The following FANCL variants were observed in gnomAD, a reference collection of about 807,000 sequenced individuals.
FANCL encodes E3 ubiquitin-protein ligase FANCL.
FANCL carries 69 observed loss-of-function variants against 59.4 expected under a neutral mutation model. That is an observed-to-expected ratio of 1.16 (90% CI 0.96 to 1.42). The LOEUF (loss-of-function observed/expected upper bound fraction) is 1.42. Ranked by LOEUF, FANCL falls within the 40% of genes most tolerant of loss-of-function variation. FANCL has a pLI of 0.00. For synonymous variants in FANCL, 180 were observed against 147.1 expected, an observed-to-expected ratio of 1.22 and a Z score of -1.62; for missense variants, 519 against 447.2, an observed-to-expected ratio of 1.16 and a Z score of -1.45.
intron 5 of FANCL, among the ~76,000 whole-genome samples, chr2:58,217,344 A>C (rs1691940876): frequency 6.7e-6 from 1 of 150,220 alleles, no homozygotes; most frequent in African/African-American, 2.5e-5. Context: ...GGTGTCAGCA[A>C]AGATGTGCTC....
At chr2:58,164,252 T>G (rs1685639365) in intron 8 of FANCL, among the ~76,000 whole-genome samples, 1 of 152,062 alleles carries the variant, frequency 6.6e-6, no homozygotes, top group Admixed American at 6.5e-5. Context: ...GGATTTCATT[T>G]TCATCGTAAA....
intron 1 of FANCL, among the ~76,000 whole-genome samples, chr2:58,233,131 T>C (rs1693732106): frequency 6.6e-6 from 1 of 152,088 alleles, no homozygotes; most frequent in South Asian, 2.1e-4. Flanking sequence ...TAATTCACTG[T>C]TTCATTAAAG....
At chr2:58,159,991 A>C in intron 13 of FANCL, 117 bp downstream of exon 13, 1 of 1,545,882 alleles carries the variant, frequency 6.5e-7, no homozygotes, top group Non-Finnish European at 8.7e-7. Context: ...AAATAGAAAT[A>C]CAGAGAATGA....
At chr2:58,195,872 G>A (rs989549692) in intron 7 of FANCL, among the ~76,000 whole-genome samples, 1 of 152,018 alleles carries the variant, frequency 6.6e-6, no homozygotes, top group Admixed American at 6.6e-5. Context: ...TAACCCCAAA[G>A]AGGCACATAG....
At chr2:58,169,507 CA>C (rs1686318924) in intron 7 of FANCL, among the ~76,000 whole-genome samples, 2 of 152,150 alleles carry the variant, frequency 1.3e-5, no homozygotes, top group Admixed American at 6.5e-5. Context: ...TCCAACGGAT[CA>C]CAACTCCTCG....
chr2:58,241,185 C>G (rs372961987), intron 1 of FANCL, 33 bp downstream of exon 1: 1 of 1,604,296 alleles, frequency 6.2e-7, no homozygotes, highest in Non-Finnish European at 8.5e-7. Flanking sequence ...GCAAGAGGCT[C>G]TCTTAGCTAG....
At chr2:58,161,751 G>A in intron 11 of FANCL, 113 bp from the exon 12 acceptor site, 2 of 712,072 alleles carry the variant, frequency 2.8e-6, no homozygotes, top group Non-Finnish European at 2.6e-6. Context: ...GTTTAATGAT[G>A]ACATCAGGAT....
At chr2:58,212,021 G>GT (rs887030544) in intron 5 of FANCL, among the ~76,000 whole-genome samples, 1 of 152,084 alleles carries the variant, frequency 6.6e-6, no homozygotes, top group Admixed American at 6.5e-5. Flanking sequence ...ACATTTTCAG[G>GT]TATCTTCTCA....
chr2:58,175,560 T>A (rs966172381), intron 7 of FANCL, among the ~76,000 whole-genome samples: 3 of 152,034 alleles, frequency 2.0e-5, no homozygotes, highest in South Asian at 2.1e-4. Context: ...TAGATGCAGA[T>A]AAGGCCTTTG....
rs972639058 is a variant in FANCL, at chr2:58,163,462, A to T, written c.747T>A (p.Pro249=). 1 of 1,611,022 alleles carries T rather than the reference A, an allele frequency of 6.2e-7. No homozygotes were observed. Among genetic ancestry groups the T allele is most frequent in the Non-Finnish European group, 8.5e-7 (1 of 1,177,476 alleles). The change falls in exon 9 of 14, where the codon CCT becomes CCA. Residue 249 remains proline (P), a synonymous_variant. Coordinates refer to ENST00000233741, the MANE Select transcript of FANCL (RefSeq NM_018062.4). ...GGTCAGCTCCAAGAAAGAAGCACTC[A>T]GGAAGCATAGTAGGATGCCTGGGGT... ...EVDPRHPTML[P]ECFFLGADHV... is the part of the protein sequence containing the mutation.
chr2:58,202,431 T>C (rs954939388), intron 6 of FANCL, among the ~76,000 whole-genome samples: 4 of 151,558 alleles, frequency 2.6e-5, no homozygotes, highest in African/African-American at 9.7e-5. Flanking sequence ...ATGGTGTATA[T>C]ATGAAAGCTA....
chr2:58,174,331 A>C (rs1687031548), intron 7 of FANCL, among the ~76,000 whole-genome samples: 1 of 152,206 alleles, frequency 6.6e-6, no homozygotes, highest in African/African-American at 2.4e-5. Context: ...TCAACAGAAT[A>C]TACATTTTTC....
intron 7 of FANCL, among the ~76,000 whole-genome samples, chr2:58,187,382 A>C (rs1048707031): frequency 1.0e-4 from 13 of 127,936 alleles, no homozygotes; most frequent in Non-Finnish European, 1.7e-4. Context: ...ACTTGGACAC[A>C]GGGCAAGGAA....
At chr2:58,160,512 T>G (rs909106484) in intron 12 of FANCL, among the ~76,000 whole-genome samples, 2 of 152,022 alleles carry the variant, frequency 1.3e-5, no homozygotes, top group African/African-American at 4.8e-5. Flanking sequence ...TTCCTGGCAT[T>G]CATAGACTTT....
rs397871498 is a variant in FANCL at position 58,222,326 on chromosome 2, A to AT, written c.274-285dup. 7.1e-3 allele frequency among the ~76,000 whole-genome samples: 1,077 copies of AT among 151,350 alleles called. 9 individuals are homozygous for AT. Among genetic ancestry groups the AT allele is most frequent in the Non-Finnish European group, 7.9e-3 (532 of 67,742 alleles). On this transcript the variant is annotated intron_variant, in intron 4 of 13. Coordinates refer to ENST00000233741, the MANE Select transcript of FANCL (RefSeq NM_018062.4). ...TATGCCTATCGGAGATAAAAAAAAA[A>AT]TTTTTATTAAATTCATCCTCAAGGC... is the stretch of plus-strand genomic sequence containing the variant.
In FANCL at chr2:58,159,610, G is replaced by A. The variant is rs1306907046; in HGVS notation, c.*155C>T. ...AATTTCCCAGTTTACTCTTAGTGAA[G>A]AGACAAACGCAGATGTTTATTATTA... On this transcript the variant is annotated 3_prime_UTR_variant, in exon 14 of 14. Coordinates refer to ENST00000233741, the MANE Select transcript of FANCL (RefSeq NM_018062.4). 1.4e-5 allele frequency: 23 copies of A among 1,613,832 alleles called. No homozygotes were observed. The highest frequency in any genetic ancestry group is 1.9e-5 in the Non-Finnish European group (23 of 1,179,818).
At chr2:58,214,419 T>A (rs1035166479) in intron 5 of FANCL, among the ~76,000 whole-genome samples, 2 of 152,210 alleles carry the variant, frequency 1.3e-5, no homozygotes, top group Non-Finnish European at 2.9e-5. Flanking sequence ...AATTATACTC[T>A]ACCCTTCTTA....
chr2:58,231,970 G>T, intron 2 of FANCL, 84 bp downstream of exon 2: 1 of 1,154,858 alleles, frequency 8.7e-7, no homozygotes, highest in African/African-American at 1.5e-5. Context: ...CAAAACTCTA[G>T]TCACTAGAAT....
intron 4 of FANCL, among the ~76,000 whole-genome samples, chr2:58,223,095 A>G (rs1692643153): frequency 6.6e-6 from 1 of 151,336 alleles, no homozygotes; most frequent in South Asian, 2.1e-4. Context: ...AACCAAAACT[A>G]TTAACGGGAA....
Sources: allele counts gnomAD v4.1 joint callset (sites outside exome capture counted in the v4.1 genomes callset), GRCh38; gene constraint gnomAD v4.1.1; transcripts MANE v1.5; gene names NCBI Gene and HGNC (gene_info 2026-07-23, HGNC 2026-07-21).